SLC29A2: variants seen among roughly 807,000 people sequenced by gnomAD.
SLC29A2 encodes the protein equilibrative nucleoside transporter 2.
Under a neutral mutation model 48.8 loss-of-function variants are expected in SLC29A2, and 37 were observed. That is an observed-to-expected ratio of 0.76 (90% CI 0.58 to 1.00). The LOEUF (loss-of-function observed/expected upper bound fraction) is 1.00, where lower values mean the gene tolerates loss of function less well. Ranked by LOEUF, SLC29A2 falls within the 50% of genes least tolerant of loss-of-function variation. The pLI is 0.00. For missense variants in SLC29A2, 533 were observed against 578.6 expected, an observed-to-expected ratio of 0.92 and a Z score of 0.81; for synonymous variants, 233 against 261.7, an observed-to-expected ratio of 0.89 and a Z score of 1.06.
Position 66,367,512 on chromosome 11 carries a change from G to C in SLC29A2, c.685C>G (p.Gln229Glu). 2 of 1,614,164 alleles carry C rather than the reference G, an allele frequency of 1.2e-6. No homozygotes were observed. The highest frequency in any genetic ancestry group is 1.7e-6 in the Non-Finnish European group (2 of 1,180,028). Residue 229 changes from glutamine to glutamate, a missense_variant, in exon 7 of 12, where the codon CAG (glutamine) becomes GAG (glutamate). Physicochemically the swap from Gln to Glu is conservative, Grantham distance 29 (BLOSUM62 2). Coordinates refer to ENST00000357440, the MANE Select transcript of SLC29A2 (RefSeq NM_001532.3). ...ARYYLANKSSQAQAQELETKA... is the reference protein window; with the variant it reads ...ARYYLANKSSEAQAQELETKA... ...GTCTCCAGCTCCTGAGCTTGGGCCT[G>C]GGATGATTTATTGGCCAGGTAGTAG... is the stretch of plus-strand genomic sequence containing the variant.
At position 66,363,517 on chromosome 11, in the gene SLC29A2, G is replaced by A. The variant is rs376873932; in HGVS notation, c.1290C>T (p.Ala430=). Residue 430 remains alanine (A), a synonymous_variant, in exon 12 of 12, where the codon GCC becomes GCT. Coordinates refer to ENST00000357440, the MANE Select transcript of SLC29A2 (RefSeq NM_001532.3). ...CCAGGAAGAAGGTCATGAGGGCGCC[G>A]GCCACCTCCCTCTCGTGTGGCAGCA... The part of the protein sequence containing the change: ...RQVLPHEREV[A]GALMTFFLAL... The A allele has an allele frequency of 1.9e-4, 311 of 1,613,886 alleles. No individual in the cohort carries two copies. Among genetic ancestry groups the A allele is most frequent in the Non-Finnish European group, 2.0e-4 (241 of 1,179,902 alleles).
chr11:66,369,293 G>A, intron 3 of SLC29A2, 76 bp downstream of exon 3: 1 of 1,603,532 alleles, frequency 6.2e-7, no homozygotes, highest in Non-Finnish European at 8.5e-7. Context: ...GTAGGGCTGG[G>A]GGGCAGGGGG....
rs779525879 is a variant in SLC29A2 at position 66,364,278 on chromosome 11, G to A, written c.1206C>T (p.Leu402=). 25 of 1,612,018 alleles carry A rather than the reference G, an allele frequency of 1.6e-5. No individual in the cohort carries two copies. The Admixed American group carries it at 2.7e-4, about 17-fold the overall frequency. The stretch of plus-strand genomic sequence containing the variant: ...CCAGGTAGCCATTAGAAACGGCAAA[G>A]AGCAGCATGAAGGTGATGAAGTAGG... ...QDAYFITFML[L]FAVSNGYLVS... The change falls in exon 11 of 12, where the codon CTC becomes CTT. Residue 402 remains leucine (L), a synonymous_variant. Transcript: ENST00000357440.
chr11:66,364,230 C>G lies in SLC29A2; in HGVS notation c.1254G>C (p.Ala418=), dbSNP rs561138163. The part of the protein sequence containing the change: ...GYLVSLTMCL[A]PRQVLPHERE... ...CCCACCCCATTGCCCCGGACCTGGGCGCCAGGCACATGGTGAGGGACACCA... is the reference window on the plus strand; with the variant it reads ...CCCACCCCATTGCCCCGGACCTGGGGGCCAGGCACATGGTGAGGGACACCA... The change falls in exon 11 of 12, where the codon GCG becomes GCC. Residue 418 remains alanine, a synonymous_variant. Coordinates refer to ENST00000357440, the MANE Select transcript of SLC29A2 (RefSeq NM_001532.3). The G allele has an allele frequency of 6.2e-7, 1 of 1,606,492 alleles. No individual in the cohort carries two copies. Among genetic ancestry groups the G allele is most frequent in the Non-Finnish European group, 8.5e-7 (1 of 1,176,366 alleles).
chr11:66,367,834 A>G lies in SLC29A2; in HGVS notation c.586T>C (p.Phe196Leu), dbSNP rs1476246963. The change falls in exon 6 of 12, where the codon TTT (phenylalanine) becomes CTT (leucine). Residue 196 changes from phenylalanine (F) to leucine (L), a missense_variant. Coordinates refer to ENST00000357440, the MANE Select transcript of SLC29A2 (RefSeq NM_001532.3). ...VDAETSALGY[F>L]ITPCVGILMS... ...AGGATGCCCACACAGGGCGTGATAA[A>G]GTACCCCAGGGCAGAGGTCTCGGCG... is the stretch of plus-strand genomic sequence containing the variant. 5.0e-6 allele frequency: 8 copies of G among 1,614,082 alleles called. No individual in the cohort carries two copies. Among genetic ancestry groups the G allele is most frequent in the East Asian group, 2.2e-5 (1 of 44,896 alleles).
intron 2 of SLC29A2, among the ~76,000 whole-genome samples, chr11:66,370,147 G>A (rs1855947082): frequency 6.6e-6 from 1 of 152,188 alleles, no homozygotes; most frequent in African/African-American, 2.4e-5. Context: ...CCTTTGGCAT[G>A]GCTGTCGCCT....
In SLC29A2 at chr11:66,364,248, G is replaced by A. The variant is rs1325402166; in HGVS notation, c.1236C>T (p.Ser412=). The A allele has an allele frequency of 2.5e-6, 4 of 1,612,916 alleles. No homozygotes were observed. In the South Asian group the frequency reaches 3.3e-5, roughly 13 times the overall value. ...ACCTGGGCGCCAGGCACATGGTGAG[G>A]GACACCAGGTAGCCATTAGAAACGG... ...LFAVSNGYLV[S]LTMCLAPRQV... Residue 412 remains serine, a synonymous_variant, in exon 11 of 12, where the codon TCC becomes TCT. Transcript: ENST00000357440.
rs562614637 is a variant in SLC29A2 at position 66,363,113 on chromosome 11, CTGA to C, written c.*320_*322del. 11 of 376,808 alleles carry C rather than the reference CTGA, an allele frequency of 2.9e-5. No homozygotes were observed. Among genetic ancestry groups the C allele is most frequent in the African/African-American group, 1.0e-4 (5 of 47,816 alleles). 23.3% of individuals were successfully genotyped at this position (376,808 alleles called of 1,614,324 possible). A position where few individuals can be genotyped will look rare whatever the true frequency, so the allele number is the denominator to read the frequency against. On this transcript the variant is annotated 3_prime_UTR_variant, in exon 12 of 12. Coordinates refer to ENST00000357440, the MANE Select transcript of SLC29A2 (RefSeq NM_001532.3). ...CTGAACCCTCTGGTCACCTCTGCTC[CTGA>C]TGATGATGAACAAATGCAGACCTGG...
upstream of SLC29A2, chr11:66,371,848 G>A (rs1044422352): frequency 1.8e-6 from 1 of 548,912 alleles, no homozygotes; most frequent in African/African-American, 2.0e-5. Flanking sequence ...CCCGCCTCAG[G>A]GACTCGACTC....
Position 66,366,484 on chromosome 11 carries a change from G to A in SLC29A2, c.814C>T (p.Pro272Ser), listed in dbSNP as rs763305101. ...TTTCCTGGCTTCTGGGGCTCATCTG[G>A]CTCTGATTCCGGCTCCTTCTCCAGG... ...LDLEKEPESEPDEPQKPGKPS... is the reference protein window; with the variant it reads ...LDLEKEPESESDEPQKPGKPS... The change falls in exon 8 of 12, where the codon CCA becomes TCA. Residue 272 changes from proline (P) to serine (S), a missense_variant. Physicochemically the swap from Pro to Ser is moderately conservative, Grantham distance 74 (BLOSUM62 -1). Transcript: ENST00000357440. The A allele has an allele frequency of 1.2e-6, 2 of 1,614,148 alleles. No individual in the cohort carries two copies. The highest frequency in any genetic ancestry group is 2.2e-5 in the East Asian group (1 of 44,894).
chr11:66,366,114 C>T lies in SLC29A2; in HGVS notation c.973+12G>A. ...CCCCCTGCCCTGCCGTCTTCTCCAC[C>T]CTGACACTCACTCCACTTCCCAGGA... On this transcript the variant is annotated intron_variant, in intron 9 of 11. Coordinates refer to ENST00000357440, the MANE Select transcript of SLC29A2 (RefSeq NM_001532.3). 1.2e-6 allele frequency: 2 copies of T among 1,612,456 alleles called. No homozygotes were observed. The highest frequency in any genetic ancestry group is 1.7e-6 in the Non-Finnish European group (2 of 1,178,816).
In SLC29A2 at chr11:66,369,412, G is replaced by A; in HGVS notation, c.232C>T (p.Pro78Ser). Residue 78 changes from proline (P) to serine (S), a missense_variant, in exon 3 of 12, where the codon CCC becomes TCC. By Grantham distance (74) the Pro-to-Ser change is moderately conservative. Coordinates refer to ENST00000357440, the MANE Select transcript of SLC29A2 (RefSeq NM_001532.3). Reference sequence around the variant, plus strand: ...TTGAGGAGGGTGAAGAGCAGCAGGGGCAGCTGGGACAGCAGCGTCACCCAA... The same window carrying A: ...TTGAGGAGGGTGAAGAGCAGCAGGGACAGCTGGGACAGCAGCGTCACCCAA... The part of the protein sequence containing the change: ...NNWVTLLSQL[P>S]LLLFTLLNSF... 1 of 1,614,120 alleles carries A rather than the reference G, an allele frequency of 6.2e-7. No homozygotes were observed.
At position 66,371,741 on chromosome 11, in the gene SLC29A2, G is replaced by A. The variant is rs1856059828; in HGVS notation, c.-150C>T. ...GGCTGGAGTCGCACAGGTAGCCTCG[G>A]GCGGATTTCGGCGTGTCTCGCGCTC... On this transcript the variant is annotated 5_prime_UTR_variant, in exon 1 of 12. Transcript: ENST00000357440. The A allele has an allele frequency of 1.4e-6, 1 of 706,096 alleles. No homozygotes were observed. The highest frequency in any genetic ancestry group is 2.3e-6 in the Non-Finnish European group (1 of 434,348). The allele number at this position is 706,096 out of a possible 1,614,324, so 43.7% of individuals were successfully genotyped here. A position where few individuals can be genotyped will look rare whatever the true frequency, so the allele number is the denominator to read the frequency against.
chr11:66,369,520 G>A lies in SLC29A2; in HGVS notation c.124C>T (p.Arg42Ter), dbSNP rs767090901. The change falls in exon 3 of 12, where the codon CGA (arginine) becomes TGA (stop). Residue 42 changes from arginine (R) to a stop codon, truncating the protein, a stop_gained. Transcript: ENST00000357440. LOFTEE classifies it high-confidence loss of function. Reference sequence around the variant, plus strand: ...GTGCTGTTGCCGGCCCCGGCCAGTCGCGCCTGGAAGTACTGCCAGGTGGGG... The same window carrying A: ...GTGCTGTTGCCGGCCCCGGCCAGTCACGCCTGGAAGTACTGCCAGGTGGGG... ...FITAIPYFQA[R>*]LAGAGNSTAR... 9 of 1,613,670 alleles carry A rather than the reference G, an allele frequency of 5.6e-6. 1 individual carries two copies. Among genetic ancestry groups the A allele is most frequent in the African/African-American group, 4.0e-5 (3 of 74,888 alleles).
intron 4 of SLC29A2, 92 bp from the exon 5 acceptor site, chr11:66,368,763 G>GTT: frequency 6.6e-7 from 1 of 1,516,864 alleles, no homozygotes; most frequent in Non-Finnish European, 8.9e-7. Context: ...AGGGGACTCT[G>GTT]GACAAGGTTG....
In SLC29A2 at chr11:66,362,635, TG is replaced by T. The variant is rs1241685250; in HGVS notation, c.*800del. On this transcript the variant is annotated 3_prime_UTR_variant, in exon 12 of 12. Coordinates refer to ENST00000357440, the MANE Select transcript of SLC29A2 (RefSeq NM_001532.3). The stretch of plus-strand genomic sequence containing the variant: ...ACCCCTTGAGGAAAAGAGAAACAGG[TG>T]TTGGGCAGGAAGAACAGCACCAACA... The T allele has an allele frequency of 2.6e-5, 4 of 152,238 alleles. No homozygotes were observed. The East Asian group carries it at 7.7e-4, about 29-fold the overall frequency. The allele number at this position is 152,238 out of a possible 1,614,324, so 9.4% of individuals were successfully genotyped here. A position where few individuals can be genotyped will look rare whatever the true frequency, so the allele number is the denominator to read the frequency against.
Position 66,367,524 on chromosome 11 carries a change from T to C in SLC29A2, c.673A>G (p.Asn225Asp), listed in dbSNP as rs749841170. ...TGAGCTTGGGCCTGGGATGATTTAT[T>C]GGCCAGGTAGTAGCGGGCAAACTTC... ...HLKFARYYLA[N>D]KSSQAQAQEL... The change falls in exon 7 of 12, where the codon AAT (asparagine) becomes GAT (aspartate). Residue 225 changes from asparagine to aspartate, a missense_variant. Coordinates refer to ENST00000357440, the MANE Select transcript of SLC29A2 (RefSeq NM_001532.3). The C allele has an allele frequency of 6.2e-7, 1 of 1,614,176 alleles. No individual in the cohort carries two copies. Among genetic ancestry groups the C allele is most frequent in the South Asian group, 1.1e-5 (1 of 91,080 alleles).
In SLC29A2 at chr11:66,371,252, C is replaced by G; in HGVS notation, c.103G>C (p.Ala35Pro). The change falls in exon 2 of 12, where the codon GCC becomes CCC. Residue 35 changes from alanine to proline, a missense_variant. By Grantham distance (27) the Ala-to-Pro change is conservative (BLOSUM62 -1). Transcript: ENST00000357440. ...TLLPWNFFIT[A>P]IPYFQARLAG... Reference sequence around the variant, plus strand: ...GCCGCCAGGAGTCTCACCGGGATGGCGGTGATGAAGAAGTTCCAGGGAAGG... The same window carrying G: ...GCCGCCAGGAGTCTCACCGGGATGGGGGTGATGAAGAAGTTCCAGGGAAGG... 4 of 1,613,580 alleles carry G rather than the reference C, an allele frequency of 2.5e-6. No individual in the cohort carries two copies. The highest frequency in any genetic ancestry group is 2.5e-6 in the Non-Finnish European group (3 of 1,179,854).
chr11:66,368,580 C>G lies in SLC29A2; in HGVS notation c.507G>C (p.Leu169=), dbSNP rs1335722458. The G allele has an allele frequency of 2.5e-6, 4 of 1,612,744 alleles. No homozygotes were observed. Among genetic ancestry groups the G allele is most frequent in the Non-Finnish European group, 3.4e-6 (4 of 1,179,568 alleles). ...YSTLFLSGQG[L]AGIFAALAML... ...TGGCAAGGGCAGCAAAGATCCCAGC[C>G]AGGCCCTGGCCGCTGAGGAAGAGGG... The change falls in exon 5 of 12, where the codon CTG becomes CTC. Residue 169 remains leucine (L), a synonymous_variant. Coordinates refer to ENST00000357440, the MANE Select transcript of SLC29A2 (RefSeq NM_001532.3).
Sources: gnomAD v4.1 joint callset for allele counts (sites outside exome capture counted in the v4.1 genomes callset) on GRCh38, gnomAD v4.1.1 for gene constraint, MANE v1.5 for transcripts, NCBI Gene and HGNC (gene_info 2026-07-23, HGNC 2026-07-21) for gene names.